EPHA3: variants seen among roughly 807,000 people sequenced by gnomAD.
EPHA3 encodes ephrin type-A receptor 3.
Under a neutral mutation model 107.1 loss-of-function variants are expected in EPHA3, and 42 were observed. That is an observed-to-expected ratio of 0.39 (90% confidence interval 0.31 to 0.51). The LOEUF is 0.51. EPHA3 is among the 20% of genes least tolerant of loss of function. EPHA3 has a pLI of 0.78. For synonymous variants in EPHA3, 461 were observed against 424.8 expected (o/e 1.09, Z -1.05); for missense variants, 1,183 against 1,211.2 (o/e 0.98, Z 0.35).
At chr3:89,316,505 AATATATATATATATAT>A (rs58576798) in intron 3 of EPHA3, among the ~76,000 whole-genome samples, 32 of 104,134 alleles carry the variant, frequency 3.1e-4, no homozygotes, top group South Asian at 1.1e-3. Flanking sequence ...GTGTGTGTGT[AATATATATATATATAT>A]ATATATATAT....
intron 3 of EPHA3, among the ~76,000 whole-genome samples, chr3:89,331,231 G>A (rs1490155281): frequency 6.6e-6 from 1 of 152,076 alleles, no homozygotes; most frequent in East Asian, 1.9e-4. Flanking sequence ...TATTGTGTAT[G>A]TGCAATAATT....
At chr3:89,178,873 T>A (rs1289487706) in intron 2 of EPHA3, among the ~76,000 whole-genome samples, 2 of 151,858 alleles carry the variant, frequency 1.3e-5, no homozygotes, top group African/African-American at 4.8e-5. Context: ...ACCTTTTCTA[T>A]GTGTTTAAAG....
chr3:89,147,708 C>G (rs1704596182), intron 2 of EPHA3, among the ~76,000 whole-genome samples: 1 of 151,858 alleles, frequency 6.6e-6, no homozygotes, highest in Admixed American at 6.6e-5. Context: ...AACCTGACCT[C>G]AGGAATAATT....
chr3:89,182,716 A>G (rs1413219828), intron 2 of EPHA3, among the ~76,000 whole-genome samples: 1 of 151,940 alleles, frequency 6.6e-6, no homozygotes, highest in African/African-American at 2.4e-5. Flanking sequence ...TAGTCTATGT[A>G]TGTAAAAGTT....
intron 11 of EPHA3, among the ~76,000 whole-genome samples, chr3:89,426,133 G>T (rs1309106379): frequency 1.3e-5 from 2 of 151,590 alleles, no homozygotes; most frequent in African/African-American, 4.8e-5. Context: ...TCTGAGAGCC[G>T]CAAATGATAC....
rs1704117174 is a variant in EPHA3, at chr3:89,127,388, C to G, written c.153+115C>G. On this transcript the variant is annotated intron_variant, in intron 2 of 16. Coordinates refer to ENST00000336596, the MANE Select transcript of EPHA3 (RefSeq NM_005233.6). ...CTTGTACTTCTGGTGACAAATTATA[C>G]TTATAGGAGTATTCAATATATGGAG... 5.5e-6 allele frequency: 4 copies of G among 732,046 alleles called. No individual in the cohort carries two copies. In the South Asian group the frequency reaches 7.6e-5, roughly 14 times the overall value. The allele number at this position is 732,046 out of a possible 1,614,324, so 45.3% of individuals were successfully genotyped here.
intron 3 of EPHA3, among the ~76,000 whole-genome samples, chr3:89,257,580 T>G (rs1160657607): frequency 6.6e-6 from 1 of 151,880 alleles, no homozygotes; most frequent in Non-Finnish European, 1.5e-5. Context: ...AACGGGAATA[T>G]AGCAAAGTCA....
chr3:89,387,834 C>T (rs1487908390), intron 5 of EPHA3, among the ~76,000 whole-genome samples: 1 of 151,936 alleles, frequency 6.6e-6, no homozygotes, highest in Non-Finnish European at 1.5e-5. Context: ...TTTTATTTCT[C>T]CACGCTGAGA....
At chr3:89,446,814 A>T (rs1044294404) in intron 13 of EPHA3, among the ~76,000 whole-genome samples, 1 of 152,164 alleles carries the variant, frequency 6.6e-6, no homozygotes, top group Non-Finnish European at 1.5e-5. Context: ...TAATACTGAA[A>T]GTATACTTAT....
At chr3:89,274,366 T>C (rs1488234954) in intron 3 of EPHA3, among the ~76,000 whole-genome samples, 1 of 152,004 alleles carries the variant, frequency 6.6e-6, no homozygotes, top group Non-Finnish European at 1.5e-5. Context: ...TTTAATACTT[T>C]ATGAATATTG....
intron 2 of EPHA3, among the ~76,000 whole-genome samples, chr3:89,169,451 T>C (rs1705159932): frequency 6.6e-6 from 1 of 152,198 alleles, no homozygotes; most frequent in Non-Finnish European, 1.5e-5. Context: ...CAAAATTATT[T>C]AAATGATTCT....
At chr3:89,329,890 C>T (rs1175085952) in intron 3 of EPHA3, among the ~76,000 whole-genome samples, 1 of 151,790 alleles carries the variant, frequency 6.6e-6, no homozygotes, top group Non-Finnish European at 1.5e-5. Context: ...ATATACAAAT[C>T]TGAAACTTTA....
At position 89,457,333 on chromosome 3, in the gene EPHA3, C is replaced by T. The variant is rs143382480; in HGVS notation, c.2690+6963C>T. On this transcript the variant is annotated intron_variant, in intron 15 of 16. Coordinates refer to ENST00000336596, the MANE Select transcript of EPHA3 (RefSeq NM_005233.6). ...ACTGCTTCCAGGCCATGGCCTGTTA[C>T]GAACCAGGTGGCAAAGCAGAAGGCA... Among the ~76,000 whole-genome samples, 82 of 152,326 alleles carry T rather than the reference C, an allele frequency of 5.4e-4. 3 individuals are homozygous for T. The East Asian group carries it at 0.014, about 27-fold the overall frequency.
intron 3 of EPHA3, among the ~76,000 whole-genome samples, chr3:89,331,791 C>G (rs1559650128): frequency 2.6e-5 from 4 of 152,010 alleles, no homozygotes; most frequent in Admixed American, 6.6e-5. Flanking sequence ...TCCAAATCAG[C>G]CTGGGAAATG....
chr3:89,395,845 C>A lies in EPHA3; in HGVS notation c.1315C>A (p.Pro439Thr), dbSNP rs1267303962. 7 of 1,613,786 alleles carry A rather than the reference C, an allele frequency of 4.3e-6. No homozygotes were observed. The highest frequency in any genetic ancestry group is 5.9e-6 in the Non-Finnish European group (7 of 1,179,908). Residue 439 changes from proline (P) to threonine (T), a missense_variant, in exon 6 of 17, where the codon CCT (proline) becomes ACT (threonine). Transcript: ENST00000336596. ...SITTNQAAPS[P>T]VLTIKKDRTS... ...CCATCCTCTCTTTACAGCTCCATCACCTGTCCTGACGATTAAGAAAGATCG... is the reference window on the plus strand; with the variant it reads ...CCATCCTCTCTTTACAGCTCCATCAACTGTCCTGACGATTAAGAAAGATCG...
At chr3:89,396,299 T>C (rs1230892276) in intron 6 of EPHA3, among the ~76,000 whole-genome samples, 1 of 152,226 alleles carries the variant, frequency 6.6e-6, no homozygotes, top group African/African-American at 2.4e-5. Flanking sequence ...TGAACTGTTT[T>C]TTTAGTTCAT....
chr3:89,275,683 G>A (rs1705787726), intron 3 of EPHA3, among the ~76,000 whole-genome samples: 3 of 151,966 alleles, frequency 2.0e-5, no homozygotes, highest in Admixed American at 2.0e-4. Context: ...TTTTCCACAA[G>A]TGATAGCAGA....
At chr3:89,294,135 AATG>A (rs1706286320) in intron 3 of EPHA3, among the ~76,000 whole-genome samples, 1 of 152,094 alleles carries the variant, frequency 6.6e-6, no homozygotes, top group South Asian at 2.1e-4. Context: ...CCAAAGTGAC[AATG>A]ATTTTGTCTT....
rs1388848677 is a variant in EPHA3, at chr3:89,466,559, A to G, written c.2691-5905A>G. Among the ~76,000 whole-genome samples, 7 of 131,940 alleles carry G rather than the reference A, an allele frequency of 5.3e-5. 1 individual carries two copies. Among genetic ancestry groups the G allele is most frequent in the Non-Finnish European group, 9.9e-5 (6 of 60,766 alleles). 86.6% of individuals were successfully genotyped at this position (131,940 alleles called of 152,430 possible). On this transcript the variant is annotated intron_variant, in intron 15 of 16. Transcript: ENST00000336596. ...TGCGCCGTTTCTTAAGCCGGTCTGA[A>G]AAGCGCAATATTCGGGTGGGAGTGA...
Sources: gnomAD v4.1 joint callset for allele counts (sites outside exome capture counted in the v4.1 genomes callset) on GRCh38, gnomAD v4.1.1 for gene constraint, MANE v1.5 for transcripts, NCBI Gene and HGNC (gene_info 2026-07-23, HGNC 2026-07-21) for gene names.